The following MMS22L variants were observed in gnomAD, a reference collection of about 807,000 sequenced individuals.
MMS22L encodes protein MMS22-like.
Under a neutral mutation model 159.1 loss-of-function variants are expected in MMS22L, and 74 were observed. The ratio of observed to expected loss-of-function variants is 0.47; its 90% confidence interval spans 0.39 to 0.56. The LOEUF is 0.56. MMS22L is among the 20% of genes least tolerant of loss of function. The pLI, the probability that MMS22L is intolerant of heterozygous loss-of-function variation, is 0.00. For missense variants in MMS22L, 1,351 were observed against 1,422.1 expected (o/e 0.95, Z 0.80); for synonymous variants, 517 against 506.9 (o/e 1.02, Z -0.27).
intron 14 of MMS22L, among the ~76,000 whole-genome samples, chr6:97,205,110 A>AT (rs1293125090): frequency 3.3e-5 from 5 of 151,340 alleles, no homozygotes; most frequent in Middle Eastern, 3.4e-3. Context: ...TGCCCAGCTA[A>AT]TTTTTTGTAC....
chr6:97,246,600 C>A, intron 11 of MMS22L, 28 bp downstream of exon 11: 1 of 1,566,170 alleles, frequency 6.4e-7, no homozygotes, highest in Non-Finnish European at 8.7e-7. Context: ...AAGCAAAATC[C>A]ACAAACTGTC....
intron 22 of MMS22L, among the ~76,000 whole-genome samples, chr6:97,153,477 T>A (rs932764703): frequency 2.0e-5 from 3 of 148,934 alleles, no homozygotes; most frequent in Non-Finnish European, 3.0e-5. Flanking sequence ...GTTCAAGCAA[T>A]TCTCCTGCCT....
intron 22 of MMS22L, among the ~76,000 whole-genome samples, chr6:97,159,127 CCT>C (rs1009632428): frequency 8.6e-6 from 1 of 115,726 alleles, no homozygotes; most frequent in African/African-American, 3.9e-5. Context: ...GACTGCAACC[CCT>C]GATTTTTTTT....
intron 11 of MMS22L, among the ~76,000 whole-genome samples, chr6:97,234,589 G>A (rs749986126): frequency 6.6e-6 from 1 of 152,078 alleles, no homozygotes; most frequent in Non-Finnish European, 1.5e-5. Context: ...CCACATACTA[G>A]GCACTGTTTT....
chr6:97,283,400 A>C (rs1447821335), upstream of MMS22L: 1 of 151,752 alleles, frequency 6.6e-6, no homozygotes, highest in Non-Finnish European at 1.5e-5. Context: ...AAAAAAAAAA[A>C]AACAGAACTG....
chr6:97,247,697 G>C (rs1812814879), intron 10 of MMS22L, among the ~76,000 whole-genome samples: 2 of 151,976 alleles, frequency 1.3e-5, no homozygotes. Context: ...TAGCCTGGGT[G>C]ACAGAACAAG....
At chr6:97,267,779 C>T (rs971912235) in intron 8 of MMS22L, 93 bp downstream of exon 8, 1 of 1,126,824 alleles carries the variant, frequency 8.9e-7, no homozygotes, top group South Asian at 3.6e-5. Context: ...ACATATAAAG[C>T]ATTTTAGTTT....
chr6:97,219,498 T>G (rs964827461), intron 14 of MMS22L, among the ~76,000 whole-genome samples: 2 of 152,106 alleles, frequency 1.3e-5, no homozygotes, highest in African/African-American at 4.8e-5. Context: ...ATTTTTTATT[T>G]TATATTCACT....
At chr6:97,173,546 C>T (rs1427161228) in intron 18 of MMS22L, among the ~76,000 whole-genome samples, 2 of 152,126 alleles carry the variant, frequency 1.3e-5, no homozygotes, top group African/African-American at 2.4e-5. Context: ...AACTAAATCA[C>T]ATCATGACTT....
At chr6:97,278,756 T>G in intron 4 of MMS22L, 93 bp downstream of exon 4, 2 of 1,000,022 alleles carry the variant, frequency 2.0e-6, no homozygotes, top group Non-Finnish European at 3.0e-6. Flanking sequence ...CTCTGTATTA[T>G]CATGATATGC....
chr6:97,224,217 T>C (rs552669032), intron 14 of MMS22L, among the ~76,000 whole-genome samples: 16 of 152,168 alleles, frequency 1.1e-4, no homozygotes, highest in Non-Finnish European at 2.2e-4. Context: ...ACTCTTCCTA[T>C]CAATGTAAAC....
At chr6:97,225,326 A>C (rs1355309699) in intron 14 of MMS22L, among the ~76,000 whole-genome samples, 2 of 151,574 alleles carry the variant, frequency 1.3e-5, no homozygotes, top group South Asian at 2.1e-4. Context: ...GCCTATTACC[A>C]AGCTTCAACT....
chr6:97,268,888 T>C (rs1006513681), intron 7 of MMS22L, among the ~76,000 whole-genome samples: 1 of 151,872 alleles, frequency 6.6e-6, no homozygotes, highest in African/African-American at 2.4e-5. Context: ...TATAGACATA[T>C]ATATGTAAGT....
intron 22 of MMS22L, among the ~76,000 whole-genome samples, chr6:97,153,307 T>G (rs1439592598): frequency 6.6e-6 from 1 of 151,906 alleles, no homozygotes; most frequent in Non-Finnish European, 1.5e-5. Context: ...TCCACACTCT[T>G]TAGCTATCCC....
At chr6:97,249,601 T>C (rs1813029142) in intron 10 of MMS22L, among the ~76,000 whole-genome samples, 1 of 152,118 alleles carries the variant, frequency 6.6e-6, no homozygotes, top group Non-Finnish European at 1.5e-5. Flanking sequence ...TTTCCCCATT[T>C]CACAGAAAAC....
intron 11 of MMS22L, among the ~76,000 whole-genome samples, chr6:97,236,455 TA>T (rs1325291302): frequency 6.6e-6 from 1 of 152,106 alleles, no homozygotes; most frequent in Non-Finnish European, 1.5e-5. Context: ...ATCATCTTAG[TA>T]AAAATGAATG....
intron 14 of MMS22L, among the ~76,000 whole-genome samples, chr6:97,219,962 T>C (rs1809453316): frequency 6.6e-6 from 1 of 152,208 alleles, no homozygotes; most frequent in Non-Finnish European, 1.5e-5. Flanking sequence ...ATCTCACCCC[T>C]ATGTCTACTA....
At chr6:97,188,191 T>C (rs1423984948) in intron 14 of MMS22L, among the ~76,000 whole-genome samples, 1 of 152,210 alleles carries the variant, frequency 6.6e-6, no homozygotes, top group Non-Finnish European at 1.5e-5. Context: ...AAGTTCACAG[T>C]ACATTTCTAC....
chr6:97,151,640 A>C, intron 23 of MMS22L, 131 bp downstream of exon 23: 2 of 717,754 alleles, frequency 2.8e-6, no homozygotes, highest in South Asian at 4.1e-5. Context: ...TACTGCCAAA[A>C]ATACAATAAT....
Sources: allele counts gnomAD v4.1 joint callset (sites outside exome capture counted in the v4.1 genomes callset), GRCh38; gene constraint gnomAD v4.1.1; transcripts MANE v1.5; gene names NCBI Gene and HGNC (gene_info 2026-07-23, HGNC 2026-07-21).